Variants in MCUB observed in about 807,000 individuals in gnomAD.
MCUB encodes the protein calcium uniporter regulatory subunit MCUb, mitochondrial.
Under a neutral mutation model 41.4 loss-of-function variants are expected in MCUB, and 46 were observed. The ratio of observed to expected loss-of-function variants is 1.11; its 90% CI spans 0.88 to 1.42. The LOEUF is 1.42. Among genes scored for constraint, MCUB ranks in the 40% most tolerant of loss-of-function variants. The pLI is 0.00. For missense variants in MCUB, 403 were observed against 404.9 expected (o/e 1.00, Z 0.04); for synonymous variants, 148 against 148.2 (o/e 1.00, Z 0.01).
chr4:109,577,045 T>G (rs528359467), intron 1 of MCUB, among the ~76,000 whole-genome samples: 2 of 152,122 alleles, frequency 1.3e-5, no homozygotes, highest in African/African-American at 4.8e-5. Context: ...AGAGCCAGGG[T>G]TTCGCCATGT....
At chr4:109,673,920 G>A (rs1729514845) in intron 4 of MCUB, 7 of 779,082 alleles carry the variant, frequency 9.0e-6, no homozygotes, top group Middle Eastern at 3.5e-4. Flanking sequence ...AAGCTAAAGA[G>A]GCACCATTCG....
At chr4:109,674,186 A>C (rs1406160138) in intron 4 of MCUB, 1 of 840,394 alleles carries the variant, frequency 1.2e-6, no homozygotes, top group African/African-American at 1.7e-5. Flanking sequence ...TATTGAAGTT[A>C]CCTATTATTG....
intron 1 of MCUB, among the ~76,000 whole-genome samples, chr4:109,613,303 C>T (rs1467354195): frequency 2.6e-5 from 4 of 152,136 alleles, no homozygotes; most frequent in African/African-American, 7.2e-5. Flanking sequence ...CTCAAAATGG[C>T]ACACATTTAT....
chr4:109,561,717 T>A (rs1389046589), intron 1 of MCUB, among the ~76,000 whole-genome samples: 1 of 152,182 alleles, frequency 6.6e-6, no homozygotes, highest in Admixed American at 6.5e-5. Flanking sequence ...GAGGAACCCC[T>A]TTCACATGCC....
At chr4:109,573,326 A>C (rs1259073863) in intron 1 of MCUB, among the ~76,000 whole-genome samples, 1 of 151,872 alleles carries the variant, frequency 6.6e-6, no homozygotes, top group African/African-American at 2.4e-5. Flanking sequence ...GGTGGTGGGC[A>C]CCTGTAGTCC....
At position 109,628,697 on chromosome 4, in the gene MCUB, T is replaced by C. The variant is rs147763418; in HGVS notation, c.100-30314T>C. On this transcript the variant is annotated intron_variant, in intron 1 of 7. Transcript: ENST00000394650. ...TGTATGGCGGTACCACTTACTGAGCTAGGGAAAAGTAGGTGAAGGGCTGAG... is the reference window on the plus strand; with the variant it reads ...TGTATGGCGGTACCACTTACTGAGCCAGGGAAAAGTAGGTGAAGGGCTGAG... Among the ~76,000 whole-genome samples the C allele has an allele frequency of 1.5e-3, 231 of 152,302 alleles. 1 individual carries two copies. The highest frequency in any genetic ancestry group is 5.2e-3 in the African/African-American group (217 of 41,576).
chr4:109,578,015 G>C (rs1467064463), intron 1 of MCUB, among the ~76,000 whole-genome samples: 2 of 152,198 alleles, frequency 1.3e-5, no homozygotes, highest in Admixed American at 6.5e-5. Flanking sequence ...AATTAAAAGA[G>C]AGTTTGATTC....
chr4:109,571,968 A>C (rs1726925601), intron 1 of MCUB, among the ~76,000 whole-genome samples: 1 of 152,270 alleles, frequency 6.6e-6, no homozygotes, highest in Admixed American at 6.5e-5. Context: ...GGATTCTAGC[A>C]GATGTTTAGC....
intron 1 of MCUB, among the ~76,000 whole-genome samples, chr4:109,581,548 A>C (rs1727174819): frequency 6.6e-6 from 1 of 151,834 alleles, no homozygotes; most frequent in Non-Finnish European, 1.5e-5. Context: ...TAATTAAACT[A>C]AAGAGCTTCT....
At chr4:109,620,606 A>AG (rs1408036451) in intron 1 of MCUB, among the ~76,000 whole-genome samples, 1 of 151,618 alleles carries the variant, frequency 6.6e-6, no homozygotes, top group African/African-American at 2.4e-5. Context: ...TTAGCATTCA[A>AG]TTGTTATCAT....
intron 1 of MCUB, among the ~76,000 whole-genome samples, chr4:109,652,048 T>C (rs938895427): frequency 6.6e-6 from 1 of 152,254 alleles, no homozygotes; most frequent in African/African-American, 2.4e-5. Context: ...TCTTGGCTTG[T>C]ACATGGCTGT....
chr4:109,615,678 G>A (rs2126134488), intron 1 of MCUB, among the ~76,000 whole-genome samples: 1 of 152,132 alleles, frequency 6.6e-6, no homozygotes, highest in African/African-American at 2.4e-5. Flanking sequence ...CAAAGTGCTG[G>A]GATTACAGGC....
chr4:109,597,330 C>T (rs1365163327), intron 1 of MCUB, among the ~76,000 whole-genome samples: 7 of 151,548 alleles, frequency 4.6e-5, no homozygotes, highest in Non-Finnish European at 1.0e-4. Context: ...TGCCCCTCAC[C>T]TCCCAGACGG....
Position 109,668,120 on chromosome 4 carries a change from G to C in MCUB, c.451+3726G>C, listed in dbSNP as rs114064698. Among the ~76,000 whole-genome samples, 1,027 of 152,174 alleles carry C rather than the reference G, an allele frequency of 6.7e-3. 9 individuals are homozygous for C. Among genetic ancestry groups the C allele is most frequent in the African/African-American group, 0.023 (963 of 41,550 alleles). On this transcript the variant is annotated intron_variant, in intron 4 of 7. Transcript: ENST00000394650. ...GAGAATGTGTATTGTGCTGTTGTTG[G>C]ATAGTCTATAGATGTCACGTTTATC...
At chr4:109,612,881 C>G (rs549658630) in intron 1 of MCUB, among the ~76,000 whole-genome samples, 3 of 152,064 alleles carry the variant, frequency 2.0e-5, no homozygotes, top group Non-Finnish European at 4.4e-5. Context: ...CCAAGGCGGG[C>G]GGATCACAAG....
chr4:109,661,268 A>G lies in MCUB; in HGVS notation c.346+903A>G, dbSNP rs116535285. Among the ~76,000 whole-genome samples, 786 of 152,296 alleles carry G rather than the reference A, an allele frequency of 5.2e-3. 5 individuals carry two copies. The highest frequency in any genetic ancestry group is 0.018 in the African/African-American group (749 of 41,564). On this transcript the variant is annotated intron_variant, in intron 3 of 7. Coordinates refer to ENST00000394650, the MANE Select transcript of MCUB (RefSeq NM_017918.5). ...AAAGAATTATTTACCCTATCCCACT[A>G]CATAGCAGCTGCAAATATAGATAAA...
chr4:109,662,417 T>C (rs546739856), intron 3 of MCUB, among the ~76,000 whole-genome samples: 1 of 152,294 alleles, frequency 6.6e-6, no homozygotes, highest in East Asian at 1.9e-4. Flanking sequence ...TCAATTAGTA[T>C]TGAAGTGAAT....
At chr4:109,616,271 C>A (rs967651570) in intron 1 of MCUB, among the ~76,000 whole-genome samples, 1 of 140,944 alleles carries the variant, frequency 7.1e-6, no homozygotes, top group Non-Finnish European at 1.5e-5. Context: ...CTGGAGAATT[C>A]TGCATTTTAT....
chr4:109,580,902 A>G (rs1727156739), intron 1 of MCUB, among the ~76,000 whole-genome samples: 1 of 151,734 alleles, frequency 6.6e-6, no homozygotes, highest in Non-Finnish European at 1.5e-5. Flanking sequence ...TTGTCCGAAC[A>G]TTCCATGCTC....
Sources: gnomAD v4.1 joint callset for allele counts (sites outside exome capture counted in the v4.1 genomes callset) on GRCh38, gnomAD v4.1.1 for gene constraint, MANE v1.5 for transcripts, NCBI Gene and HGNC (gene_info 2026-07-23, HGNC 2026-07-21) for gene names.